The following SARAF variants were observed in gnomAD, a reference collection of about 807,000 sequenced individuals.
The protein encoded by SARAF is store-operated calcium entry-associated regulatory factor.
In SARAF, 23 loss-of-function variants were observed where a neutral mutation model predicts 39.7. The ratio of observed to expected loss-of-function variants is 0.58; its 90% confidence interval spans 0.42 to 0.82. SARAF has a LOEUF of 0.82. Ranked by LOEUF, SARAF falls within the 40% of genes least tolerant of loss-of-function variation. The probability of loss-of-function intolerance (pLI) is 0.00; values close to 1 mark genes in which losing one functional copy is unlikely to be tolerated. For synonymous variants in SARAF, 175 were observed against 168.5 expected (o/e 1.04, Z -0.30); for missense variants, 384 against 418.5 (o/e 0.92, Z 0.72).
In SARAF at chr8:30,083,046, T is replaced by TGGC. The variant is rs1802148693; in HGVS notation, c.-100_-98dup. 3.2e-6 allele frequency: 3 copies of TGGC among 925,656 alleles called. No homozygotes were observed. The highest frequency in any genetic ancestry group is 3.4e-5 in the Admixed American group (1 of 29,334). The allele number at this position is 925,656 out of a possible 1,614,324, so 57.3% of individuals were successfully genotyped here. On this transcript the variant is annotated 5_prime_UTR_variant, in exon 1 of 6. Transcript: ENST00000256255. The stretch of plus-strand genomic sequence containing the variant: ...CGCTGCGCAGCTACACCGCTACCCC[T>TGGC]GGCGGCGGCGAAGGAACGGCCCGAC...
At position 30,063,818 on chromosome 8, in the gene SARAF, TTTTTTC is replaced by T; in HGVS notation, c.*64_*69del. ...TTCCCAATTGTTAACAGGTAGTACT[TTTTTTC>T]TAAAGAGAAAGTGATGAAAAATCCA... On this transcript the variant is annotated 3_prime_UTR_variant, in exon 6 of 6. Transcript: ENST00000256255. The T allele has an allele frequency of 7.3e-7, 1 of 1,376,664 alleles. No homozygotes were observed. The highest frequency in any genetic ancestry group is 2.3e-5 in the East Asian group (1 of 43,674). The allele number at this position is 1,376,664 out of a possible 1,614,324, so 85.3% of individuals were successfully genotyped here. A position where few individuals can be genotyped will look rare whatever the true frequency, so the allele number is the denominator to read the frequency against.
At position 30,082,864 on chromosome 8, in the gene SARAF, A is replaced by G; in HGVS notation, c.86T>C (p.Leu29Pro). Reference protein sequence around the residue: ...HLFLLTAGPALGWNDPDRMLL... With the variant: ...HLFLLTAGPAPGWNDPDRMLL... ...GCACTCACCAGGGTCGTTCCAGCCC[A>G]GGGCAGGGCCCGCGGTCAGCAGAAA... Residue 29 changes from leucine (L) to proline (P), a missense_variant, in exon 1 of 6, where the codon CTG becomes CCG. Physicochemically the swap from Leu to Pro is moderately conservative, Grantham distance 98. Transcript: ENST00000256255. 6.4e-7 allele frequency: 1 copy of G among 1,554,590 alleles called. No individual in the cohort carries two copies. The highest frequency in any genetic ancestry group is 8.7e-7 in the Non-Finnish European group (1 of 1,151,732).
intron 3 of SARAF, among the ~76,000 whole-genome samples, chr8:30,069,134 ATTTTTTTT>A (rs36096551): frequency 2.6e-4 from 25 of 97,828 alleles, no homozygotes; most frequent in African/African-American, 1.0e-3. Flanking sequence ...TTAATCAGGC[ATTTTTTTT>A]TTTTTTTTTT....
chr8:30,079,214 GAC>G (rs34896274), intron 1 of SARAF, among the ~76,000 whole-genome samples: 2,389 of 147,602 alleles, frequency 0.016, 68 homozygotes, highest in African/African-American at 0.056. Context: ...TTGGAACAGA[GAC>G]AAGGAAATTG....
At chr8:30,077,937 C>T (rs1223744672) in intron 1 of SARAF, among the ~76,000 whole-genome samples, 2 of 151,826 alleles carry the variant, frequency 1.3e-5, no homozygotes, top group East Asian at 1.9e-4. Flanking sequence ...GTCAGGAGTT[C>T]GAGACCAGTC....
intron 1 of SARAF, among the ~76,000 whole-genome samples, chr8:30,082,035 A>C (rs1039247453): frequency 7.2e-5 from 11 of 152,186 alleles, no homozygotes; most frequent in African/African-American, 2.7e-4. Context: ...TGCAATCGTC[A>C]GATAAGAGGC....
At chr8:30,079,617 G>A (rs528861718) in intron 1 of SARAF, among the ~76,000 whole-genome samples, 1 of 152,306 alleles carries the variant, frequency 6.6e-6, no homozygotes, top group East Asian at 1.9e-4. Context: ...AACTAAGTTG[G>A]TGTCACTAAC....
rs115047503 is a variant in SARAF, at chr8:30,079,106, G to A, written c.103+3741C>T. ...CAGGAGGTGGAGGTTGCAGTGAGCT[G>A]ATATTGCTACCACTGCACTCCAGCC... On this transcript the variant is annotated intron_variant, in intron 1 of 5. Coordinates refer to ENST00000256255, the MANE Select transcript of SARAF (RefSeq NM_016127.6). Among the ~76,000 whole-genome samples, 1,065 of 136,320 alleles carry A rather than the reference G, an allele frequency of 7.8e-3. 23 individuals are homozygous for A. Among genetic ancestry groups the A allele is most frequent in the African/African-American group, 0.028 (1,023 of 36,406 alleles). 89.4% of individuals were successfully genotyped at this position (136,320 alleles called of 152,430 possible). A position where few individuals can be genotyped will look rare whatever the true frequency, so the allele number is the denominator to read the frequency against.
At position 30,066,833 on chromosome 8, in the gene SARAF, C is replaced by G. The variant is rs761199408; in HGVS notation, c.786G>C (p.Gly262=). The G allele has an allele frequency of 3.7e-6, 6 of 1,614,172 alleles. No homozygotes were observed. Among genetic ancestry groups the G allele is most frequent in the Non-Finnish European group, 5.1e-6 (6 of 1,180,034 alleles). The change falls in exon 4 of 6, where the codon GGG becomes GGC. Residue 262 remains glycine (G), a synonymous_variant. Transcript: ENST00000256255. ...GQQGYENSGP[G]FWTGLGTGGI... is the part of the protein sequence containing the mutation. ...CACCAGTTCCCAAGCCTGTCCAGAA[C>G]CCTGGTCCTGAATTTTCATATCCTT...
Position 30,063,830 on chromosome 8 carries a change from A to C in SARAF, c.*58T>G. ...AACAGGTAGTACTTTTTTTCTAAAG[A>C]GAAAGTGATGAAAAATCCAAAATTT... is the stretch of plus-strand genomic sequence containing the variant. On this transcript the variant is annotated 3_prime_UTR_variant, in exon 6 of 6. Coordinates refer to ENST00000256255, the MANE Select transcript of SARAF (RefSeq NM_016127.6). The C allele has an allele frequency of 6.8e-7, 1 of 1,476,856 alleles. No individual in the cohort carries two copies. The highest frequency in any genetic ancestry group is 9.5e-7 in the Non-Finnish European group (1 of 1,056,064). The allele number at this position is 1,476,856 out of a possible 1,614,324, so 91.5% of individuals were successfully genotyped here. A position where few individuals can be genotyped will look rare whatever the true frequency, so the allele number is the denominator to read the frequency against.
Position 30,070,011 on chromosome 8 carries a change from C to T in SARAF, c.331G>A (p.Val111Met). Residue 111 changes from valine (V) to methionine (M), a missense_variant, in exon 3 of 6, where the codon GTG (valine) becomes ATG (methionine). Val to Met is a conservative substitution (Grantham distance 21). Transcript: ENST00000256255. The part of the protein sequence containing the change: ...LDIAYKFGKT[V>M]VSCEGYESSE... ...GACTCATAGCCTTCACAGCTCACCA[C>T]AGTTTTTCCAAATTTGTATGCAATA... The T allele has an allele frequency of 2.5e-6, 4 of 1,612,592 alleles. No individual in the cohort carries two copies. The highest frequency in any genetic ancestry group is 3.4e-6 in the Non-Finnish European group (4 of 1,179,704).
intron 1 of SARAF, 79 bp from the exon 2 acceptor site, chr8:30,074,134 G>T: frequency 6.8e-7 from 1 of 1,481,128 alleles, no homozygotes; most frequent in Non-Finnish European, 9.2e-7. Context: ...CGAAACTCTC[G>T]TCATAGGAAA....
intron 5 of SARAF, chr8:30,065,578 C>A: frequency 5.5e-6 from 1 of 182,728 alleles, no homozygotes; most frequent in Non-Finnish European, 1.2e-5. Flanking sequence ...TACAAAATAT[C>A]CTCTGAGCAT....
Position 30,070,012 on chromosome 8 carries a change from A to G in SARAF, c.330T>C (p.Thr110=), listed in dbSNP as rs1249076651. Residue 110 remains threonine, a synonymous_variant, in exon 3 of 6, where the codon ACT becomes ACC. Coordinates refer to ENST00000256255, the MANE Select transcript of SARAF (RefSeq NM_016127.6). The part of the protein sequence containing the change: ...DLDIAYKFGK[T]VVSCEGYESS... ...ACTCATAGCCTTCACAGCTCACCAC[A>G]GTTTTTCCAAATTTGTATGCAATAT... 2 of 1,612,378 alleles carry G rather than the reference A, an allele frequency of 1.2e-6. No individual in the cohort carries two copies. Among genetic ancestry groups the G allele is most frequent in the East Asian group, 2.2e-5 (1 of 44,882 alleles).
rs766310444 is a variant in SARAF, at chr8:30,063,820, T to C, written c.*68A>G. The C allele has an allele frequency of 2.9e-6, 4 of 1,387,696 alleles. No individual in the cohort carries two copies. Among genetic ancestry groups the C allele is most frequent in the Non-Finnish European group, 4.1e-6 (4 of 974,604 alleles). 86.0% of individuals were successfully genotyped at this position (1,387,696 alleles called of 1,614,324 possible). ...CCCAATTGTTAACAGGTAGTACTTT[T>C]TTTCTAAAGAGAAAGTGATGAAAAA... is the stretch of plus-strand genomic sequence containing the variant. On this transcript the variant is annotated 3_prime_UTR_variant, in exon 6 of 6. Transcript: ENST00000256255.
intron 2 of SARAF, among the ~76,000 whole-genome samples, chr8:30,073,025 G>A (rs543240033): frequency 2.0e-5 from 3 of 152,282 alleles, no homozygotes; most frequent in South Asian, 4.1e-4. Context: ...AAAGTGGAGT[G>A]AGACTTCTGC....
At chr8:30,068,902 T>C (rs1330222482) in intron 3 of SARAF, among the ~76,000 whole-genome samples, 1 of 152,208 alleles carries the variant, frequency 6.6e-6, no homozygotes, top group African/African-American at 2.4e-5. Context: ...TTTTCTTTTA[T>C]GGCTAGTACT....
At chr8:30,070,268 C>T (rs1199774769) in intron 2 of SARAF, among the ~76,000 whole-genome samples, 1 of 152,118 alleles carries the variant, frequency 6.6e-6, no homozygotes, top group Non-Finnish European at 1.5e-5. Context: ...ATTAGCCAGG[C>T]GCAGTGGCAG....
Position 30,073,928 on chromosome 8 carries a change from G to A in SARAF, c.231C>T (p.Thr77=), listed in dbSNP as rs1220569066. The A allele has an allele frequency of 6.2e-7, 1 of 1,614,080 alleles. No individual in the cohort carries two copies. The highest frequency in any genetic ancestry group is 1.1e-5 in the South Asian group (1 of 91,080). The stretch of plus-strand genomic sequence containing the variant: ...TGTTCTGACACTGTATGACTTTTGG[G>A]GTATAAGAATCACAACCAGCTGTGC... ...VGGTAGCDSY[T]PKVIQCQNKG... Residue 77 remains threonine (T), a synonymous_variant, in exon 2 of 6, where the codon ACC becomes ACT. Transcript: ENST00000256255.
Sources: allele counts gnomAD v4.1 joint callset (sites outside exome capture counted in the v4.1 genomes callset), GRCh38; gene constraint gnomAD v4.1.1; transcripts MANE v1.5; gene names NCBI Gene and HGNC (gene_info 2026-07-23, HGNC 2026-07-21).